SH3GL2: variants seen among roughly 807,000 people sequenced by gnomAD.
SH3GL2 encodes endophilin-A1.
In SH3GL2, 24 loss-of-function variants were observed where a neutral mutation model predicts 46.0. That is an observed-to-expected ratio of 0.52 (90% CI 0.38 to 0.73). SH3GL2 has a LOEUF of 0.73. Ranked by LOEUF, SH3GL2 falls within the 30% of genes least tolerant of loss-of-function variation. The pLI is 0.00. For synonymous variants in SH3GL2, 196 were observed against 147.1 expected (o/e 1.33, Z -2.40); for missense variants, 413 against 424.2 (o/e 0.97, Z 0.23).
At chr9:17,612,855 C>G (rs747324432) in intron 1 of SH3GL2, among the ~76,000 whole-genome samples, 2 of 152,146 alleles carry the variant, frequency 1.3e-5, no homozygotes, top group African/African-American at 4.8e-5. Flanking sequence ...ACCTTGCTTC[C>G]GAGAAGCCCC....
chr9:17,622,476 C>T (rs763816844), intron 1 of SH3GL2, among the ~76,000 whole-genome samples: 1 of 152,152 alleles, frequency 6.6e-6, no homozygotes, highest in Non-Finnish European at 1.5e-5. Flanking sequence ...AATTGGGTGT[C>T]CAGGCCACTT....
chr9:17,689,460 G>C (rs376618406), intron 1 of SH3GL2, among the ~76,000 whole-genome samples: 2 of 151,960 alleles, frequency 1.3e-5, no homozygotes, highest in Admixed American at 6.6e-5. Flanking sequence ...CCATATTAAT[G>C]TACAGTGCTA....
At chr9:17,647,073 C>T (rs1329995488) in intron 1 of SH3GL2, among the ~76,000 whole-genome samples, 1 of 152,168 alleles carries the variant, frequency 6.6e-6, no homozygotes, top group Non-Finnish European at 1.5e-5. Context: ...ATGCCCTGCC[C>T]AGAGAGGAGG....
At chr9:17,591,172 G>A (rs938753336) in intron 1 of SH3GL2, 5 of 152,154 alleles carry the variant, frequency 3.3e-5, no homozygotes, top group South Asian at 2.1e-4. Flanking sequence ...ATAAAAGGAC[G>A]TGTCTTAAAC....
At chr9:17,779,963 C>T (rs769816653) in intron 3 of SH3GL2, among the ~76,000 whole-genome samples, 6 of 152,148 alleles carry the variant, frequency 3.9e-5, no homozygotes, top group South Asian at 4.1e-4. Flanking sequence ...AGTCTAGAGA[C>T]GAACACAGTG....
intron 1 of SH3GL2, among the ~76,000 whole-genome samples, chr9:17,636,078 T>C (rs1819536295): frequency 6.6e-6 from 1 of 152,204 alleles, no homozygotes; most frequent in Non-Finnish European, 1.5e-5. Flanking sequence ...CTTTTTAATA[T>C]AACTGGAGTT....
At chr9:17,702,411 TG>T (rs2118211470) in intron 1 of SH3GL2, among the ~76,000 whole-genome samples, 1 of 151,952 alleles carries the variant, frequency 6.6e-6, no homozygotes, top group East Asian at 1.9e-4. Flanking sequence ...TCAGGATATA[TG>T]TACCGATATA....
At chr9:17,760,527 T>G (rs1235416323) in intron 2 of SH3GL2, among the ~76,000 whole-genome samples, 2 of 152,068 alleles carry the variant, frequency 1.3e-5, no homozygotes, top group Non-Finnish European at 2.9e-5. Context: ...GTACAGCAGG[T>G]TATGGAAAAG....
intron 1 of SH3GL2, among the ~76,000 whole-genome samples, chr9:17,636,679 C>T (rs1170515580): frequency 1.3e-5 from 2 of 152,118 alleles, no homozygotes; most frequent in Admixed American, 6.5e-5. Context: ...CTTATATCAA[C>T]TGGAATTTTT....
rs576602770 is a variant in SH3GL2 at position 17,790,075 on chromosome 9, A to C, written c.624+525A>C. Among the ~76,000 whole-genome samples, 4 of 152,316 alleles carry C rather than the reference A, an allele frequency of 2.6e-5. No homozygotes were observed. In the East Asian group the frequency reaches 7.8e-4, roughly 30 times the overall value. On this transcript the variant is annotated intron_variant, in intron 6 of 8. Coordinates refer to ENST00000380607, the MANE Select transcript of SH3GL2 (RefSeq NM_003026.5). ...CAGGGGGCATCAGTAGTACTGGTGCAAGTCCCAGAGTCCAAAGGCCAGAAA... is the reference window on the plus strand; with the variant it reads ...CAGGGGGCATCAGTAGTACTGGTGCCAGTCCCAGAGTCCAAAGGCCAGAAA...
rs987627065 is a variant in SH3GL2, at chr9:17,704,463, A to G, written c.46-42603A>G. On this transcript the variant is annotated intron_variant, in intron 1 of 8. Transcript: ENST00000380607. ...AAATATTAGAACTCCTATGGAATCA[A>G]AAAGCCTGAATAGACAAGGCTAAGC... is the stretch of plus-strand genomic sequence containing the variant. 3.3e-5 allele frequency among the ~76,000 whole-genome samples: 5 copies of G among 152,052 alleles called. No homozygotes were observed. The East Asian group carries it at 7.7e-4, about 23-fold the overall frequency.
chr9:17,742,132 T>C (rs1822543672), intron 1 of SH3GL2, among the ~76,000 whole-genome samples: 1 of 152,164 alleles, frequency 6.6e-6, no homozygotes, highest in African/African-American at 2.4e-5. Context: ...TTAAGTCTAT[T>C]GAATTTCACT....
At chr9:17,598,259 C>T (rs1371292927) in intron 1 of SH3GL2, among the ~76,000 whole-genome samples, 1 of 152,180 alleles carries the variant, frequency 6.6e-6, no homozygotes, top group East Asian at 1.9e-4. Flanking sequence ...GTTTCACAGA[C>T]ACTTTAGATT....
intron 1 of SH3GL2, among the ~76,000 whole-genome samples, chr9:17,737,378 G>GAATA (rs936445094): frequency 6.6e-6 from 1 of 151,964 alleles, no homozygotes; most frequent in Admixed American, 6.6e-5. Context: ...AAAAGTAAAT[G>GAATA]AATAAATAAA....
chr9:17,764,650 A>C (rs1823270377), intron 3 of SH3GL2, among the ~76,000 whole-genome samples: 1 of 149,984 alleles, frequency 6.7e-6, no homozygotes, highest in Non-Finnish European at 1.5e-5. Flanking sequence ...TTGGGAGTAC[A>C]TCTGTATTAG....
At chr9:17,619,425 C>A (rs2134597856) in intron 1 of SH3GL2, among the ~76,000 whole-genome samples, 1 of 152,320 alleles carries the variant, frequency 6.6e-6, no homozygotes, top group Non-Finnish European at 1.5e-5. Context: ...CGCCTGTAAT[C>A]CCAGCACTTT....
intron 1 of SH3GL2, among the ~76,000 whole-genome samples, chr9:17,744,016 G>A (rs908222428): frequency 2.0e-5 from 3 of 152,150 alleles, no homozygotes; most frequent in Non-Finnish European, 4.4e-5. Context: ...GACAACAAAT[G>A]GAATTTTGGA....
At chr9:17,758,608 G>A (rs1005448302) in intron 2 of SH3GL2, among the ~76,000 whole-genome samples, 6 of 118,612 alleles carry the variant, frequency 5.1e-5, no homozygotes, top group Admixed American at 9.6e-5. Context: ...GCAGTCAGTA[G>A]CAAGGGCCTA....
chr9:17,711,186 T>C (rs1295119696), intron 1 of SH3GL2, among the ~76,000 whole-genome samples: 1 of 151,930 alleles, frequency 6.6e-6, no homozygotes, highest in Non-Finnish European at 1.5e-5. Context: ...TGTGAGCTGC[T>C]ACTGAAGTAC....
Sources: allele counts gnomAD v4.1 joint callset (sites outside exome capture counted in the v4.1 genomes callset), GRCh38; gene constraint gnomAD v4.1.1; transcripts MANE v1.5; gene names NCBI Gene and HGNC (gene_info 2026-07-23, HGNC 2026-07-21).